SYN2: variants seen among roughly 807,000 people sequenced by gnomAD.
SYN2 encodes the protein synapsin II.
In SYN2, 19 loss-of-function variants were observed where a neutral mutation model predicts 50.9. The ratio of observed to expected loss-of-function variants is 0.37; its 90% CI spans 0.26 to 0.55. The LOEUF is 0.55. Among genes scored for constraint, SYN2 ranks in the 20% least tolerant of loss-of-function variants. SYN2 has a pLI of 0.81. For missense variants in SYN2, 587 were observed against 576.4 expected (o/e 1.02, Z -0.19); for synonymous variants, 255 against 224.9 (o/e 1.13, Z -1.20).
chr3:12,123,826 T>C (rs1040960399), intron 1 of SYN2, among the ~76,000 whole-genome samples: 1 of 151,904 alleles, frequency 6.6e-6, no homozygotes, highest in African/African-American at 2.4e-5. Flanking sequence ...CTGGGCAACA[T>C]GGCAAAACCC....
Position 12,161,616 on chromosome 3 carries a change from A to G in SYN2, c.837+8A>G. 1 of 1,614,026 alleles carries G rather than the reference A, an allele frequency of 6.2e-7. No individual in the cohort carries two copies. The highest frequency in any genetic ancestry group is 8.5e-7 in the Non-Finnish European group (1 of 1,179,894). On this transcript the variant is annotated splice_region_variant and intron_variant, in intron 6 of 12. Transcript: ENST00000621198. ...CACTCAGGCATGGGCAAGGTGAGGC[A>G]GAGAGGCCTGCTGTGCTTCAGGGTT...
At chr3:12,064,108 TG>T (rs1268138360) in intron 1 of SYN2, among the ~76,000 whole-genome samples, 1 of 152,072 alleles carries the variant, frequency 6.6e-6, no homozygotes, top group Non-Finnish European at 1.5e-5. Context: ...AAATGGTACT[TG>T]ATCTCTGTGG....
rs566186331 is a variant in SYN2 at position 12,190,994 on chromosome 3, T to C, written c.*369T>C. The C allele has an allele frequency of 2.9e-6, 3 of 1,025,166 alleles. No homozygotes were observed. The African/African-American group carries it at 5.2e-5, about 18-fold the overall frequency. 63.5% of individuals were successfully genotyped at this position (1,025,166 alleles called of 1,614,324 possible). On this transcript the variant is annotated 3_prime_UTR_variant, in exon 13 of 13. Coordinates refer to ENST00000621198, the MANE Select transcript of SYN2 (RefSeq NM_133625.6). Reference sequence around the variant, plus strand: ...TGGACTCCTGGCAGCTTAACCTAGCTCAGTTGCAGTGCTAAGCATGCCCCG... The same window carrying C: ...TGGACTCCTGGCAGCTTAACCTAGCCCAGTTGCAGTGCTAAGCATGCCCCG...
chr3:12,129,488 T>C (rs1696744038), intron 1 of SYN2, among the ~76,000 whole-genome samples: 1 of 152,158 alleles, frequency 6.6e-6, no homozygotes, highest in Admixed American at 6.5e-5. Context: ...CTCTTTCCAC[T>C]GTGCCACTCA....
intron 12 of SYN2, 45 bp from the exon 13 acceptor site, chr3:12,190,445 T>A (rs761309622): frequency 1.2e-6 from 2 of 1,606,820 alleles, no homozygotes; most frequent in Middle Eastern, 1.7e-4. Flanking sequence ...CCTGCCTTGC[T>A]GGGAACACCA....
chr3:12,113,007 G>T (rs1408041623), intron 1 of SYN2, among the ~76,000 whole-genome samples: 9 of 152,172 alleles, frequency 5.9e-5, no homozygotes, highest in African/African-American at 2.2e-4. Context: ...TGTCAAGAAG[G>T]TATTTAGTGC....
chr3:12,014,955 C>T (rs1001826531), intron 1 of SYN2, among the ~76,000 whole-genome samples: 1 of 152,196 alleles, frequency 6.6e-6, no homozygotes, highest in African/African-American at 2.4e-5. Flanking sequence ...AGAACCAAAA[C>T]ATCATTGTGA....
At chr3:12,077,308 T>C (rs35381451) in intron 1 of SYN2, among the ~76,000 whole-genome samples, 1 of 151,330 alleles carries the variant, frequency 6.6e-6, no homozygotes, top group Non-Finnish European at 1.5e-5. Context: ...CCTTTTTTTT[T>C]AAAAAAAAAT....
chr3:12,013,035 A>G (rs969675580), intron 1 of SYN2, among the ~76,000 whole-genome samples: 3 of 152,244 alleles, frequency 2.0e-5, no homozygotes, highest in Non-Finnish European at 4.4e-5. Context: ...CTAAATCCAG[A>G]GGAAGGTGTC....
intron 1 of SYN2, among the ~76,000 whole-genome samples, chr3:12,086,457 A>C (rs1695703844): frequency 6.6e-6 from 1 of 152,198 alleles, no homozygotes; most frequent in African/African-American, 2.4e-5. Context: ...CATAGACGCA[A>C]AAATCCTCAA....
At position 12,033,569 on chromosome 3, in the gene SYN2, C is replaced by A. The variant is rs970918804; in HGVS notation, c.377+28641C>A. 2.6e-5 allele frequency among the ~76,000 whole-genome samples: 4 copies of A among 152,132 alleles called. No homozygotes were observed. The East Asian group carries it at 7.7e-4, about 29-fold the overall frequency. On this transcript the variant is annotated intron_variant, in intron 1 of 12. Coordinates refer to ENST00000621198, the MANE Select transcript of SYN2 (RefSeq NM_133625.6). Reference sequence around the variant, plus strand: ...ATTCACCCCTTTAAAATATACAATTCGTTGGTTTTAGTATATTCACAAGAT... The same window carrying A: ...ATTCACCCCTTTAAAATATACAATTAGTTGGTTTTAGTATATTCACAAGAT...
intron 1 of SYN2, among the ~76,000 whole-genome samples, chr3:12,129,098 TGAA>T (rs1485518924): frequency 6.6e-6 from 1 of 151,604 alleles, no homozygotes; most frequent in Non-Finnish European, 1.5e-5. Flanking sequence ...AAGAATAAAA[TGAA>T]TAATAAAAGA....
chr3:12,134,546 G>A lies in SYN2; in HGVS notation c.378-6105G>A, dbSNP rs548905433. Among the ~76,000 whole-genome samples the A allele has an allele frequency of 2.5e-4, 38 of 152,346 alleles. 1 individual carries two copies. Among genetic ancestry groups the A allele is most frequent in the Middle Eastern group, 6.8e-3 (2 of 294 alleles). ...TACTCATTCTTTAAGACTCAGTTCA[G>A]TCTCTTTGGAGCATTCATGGACTTC... On this transcript the variant is annotated intron_variant, in intron 1 of 12. Coordinates refer to ENST00000621198, the MANE Select transcript of SYN2 (RefSeq NM_133625.6).
chr3:12,148,476 A>G (rs1697204604), intron 4 of SYN2: 1 of 152,278 alleles, frequency 6.6e-6, no homozygotes, highest in African/African-American at 2.4e-5. Context: ...CAATATCTTT[A>G]CTATGACTGC....
At chr3:12,147,508 G>A (rs547422414) in intron 4 of SYN2, among the ~76,000 whole-genome samples, 1 of 152,250 alleles carries the variant, frequency 6.6e-6, no homozygotes, top group African/African-American at 2.4e-5. Flanking sequence ...GCCAATCACA[G>A]AAGAGCATAT....
At chr3:12,020,841 T>G (rs1222282095) in intron 1 of SYN2, among the ~76,000 whole-genome samples, 1 of 152,328 alleles carries the variant, frequency 6.6e-6, no homozygotes, top group East Asian at 1.9e-4. Context: ...GCCTATAGTT[T>G]AGTGGAGGAG....
intron 1 of SYN2, among the ~76,000 whole-genome samples, chr3:12,050,835 A>T (rs1320283270): frequency 7.2e-6 from 1 of 138,956 alleles, no homozygotes; most frequent in East Asian, 2.3e-4. Flanking sequence ...TCCCGGGTTC[A>T]CGCCATTCTC....
intron 11 of SYN2, chr3:12,185,747 C>T (rs1000407659): frequency 5.1e-6 from 5 of 985,830 alleles, no homozygotes; most frequent in Non-Finnish European, 6.0e-6. Flanking sequence ...TAAGTTGTAA[C>T]GTTTCTGGCT....
intron 1 of SYN2, among the ~76,000 whole-genome samples, chr3:12,094,107 A>C (rs1312273203): frequency 6.6e-6 from 1 of 152,086 alleles, no homozygotes; most frequent in East Asian, 1.9e-4. Context: ...CGCCCACCTC[A>C]ATCTCCCAAA....
Sources: allele counts gnomAD v4.1 joint callset (sites outside exome capture counted in the v4.1 genomes callset), GRCh38; gene constraint gnomAD v4.1.1; transcripts MANE v1.5; gene names NCBI Gene and HGNC (gene_info 2026-07-23, HGNC 2026-07-21).